The following EXD3 variants were observed in gnomAD, a reference collection of about 807,000 sequenced individuals.
EXD3 encodes exonuclease 3'-5' domain containing 3.
In EXD3, 92 loss-of-function variants were observed where a neutral mutation model predicts 98.0. The ratio of observed to expected loss-of-function variants is 0.94; its 90% CI spans 0.79 to 1.12. The LOEUF is 1.12. Among genes scored for constraint, EXD3 ranks in the 50% most tolerant of loss-of-function variants. EXD3 has a pLI of 0.00. For missense variants in EXD3, 1,222 were observed against 1,191.6 expected, an observed-to-expected ratio of 1.03 and a Z score of -0.38; for synonymous variants, 569 against 526.0, an observed-to-expected ratio of 1.08 and a Z score of -1.12.
At chr9:137,339,714 T>C (rs1236945435) in intron 17 of EXD3, among the ~76,000 whole-genome samples, 1 of 152,168 alleles carries the variant, frequency 6.6e-6, no homozygotes, top group African/African-American at 2.4e-5. Flanking sequence ...GAATTCAATG[T>C]TCATTCATAA....
At chr9:137,373,767 C>T (rs902684270) in intron 3 of EXD3, among the ~76,000 whole-genome samples, 168 bp from the exon 4 acceptor site, 3 of 152,232 alleles carry the variant, frequency 2.0e-5, no homozygotes, top group Non-Finnish European at 4.4e-5. Flanking sequence ...CGTTCTGGTC[C>T]GCTGCACCCC....
intron 19 of EXD3, among the ~76,000 whole-genome samples, chr9:137,310,707 T>G (rs9695629): frequency 0.14 from 21,740 of 152,216 alleles, 2,433 homozygotes; most frequent in African/African-American, 0.31. Context: ...AGGACTCCCC[T>G]GGCAATGCCA....
intron 5 of EXD3, among the ~76,000 whole-genome samples, chr9:137,368,599 C>T (rs1002632916): frequency 1.3e-5 from 2 of 152,214 alleles, no homozygotes; most frequent in African/African-American, 2.4e-5. Context: ...CCATAAGCCG[C>T]GCTCCCATAG....
intron 19 of EXD3, among the ~76,000 whole-genome samples, chr9:137,311,579 C>T (rs1415422983): frequency 6.6e-6 from 1 of 152,214 alleles, no homozygotes; most frequent in African/African-American, 2.4e-5. Flanking sequence ...TCACCGGGTG[C>T]CGTCAGTGAG....
At chr9:137,344,436 T>C (rs1009156400) in intron 17 of EXD3, among the ~76,000 whole-genome samples, 1 of 152,252 alleles carries the variant, frequency 6.6e-6, no homozygotes, top group African/African-American at 2.4e-5. Context: ...ACGAGACATG[T>C]CTGGGAAGAT....
intron 8 of EXD3, among the ~76,000 whole-genome samples, chr9:137,355,671 G>GGGAGGAA (rs1834710218): frequency 1.0e-4 from 2 of 19,082 alleles, no homozygotes; most frequent in Admixed American, 6.9e-4. Context: ...GAAGGAGAAA[G>GGGAGGAA]GGAGGATGGA....
chr9:137,381,415 CAAAAAAAAAA>C (rs61183889), intron 3 of EXD3, among the ~76,000 whole-genome samples: 1 of 50,848 alleles, frequency 2.0e-5, no homozygotes. Context: ...GACTCCTTCT[CAAAAAAAAAA>C]AAAAAAAAAA....
At chr9:137,416,962 CGG>C in intron 1 of EXD3, among the ~76,000 whole-genome samples, 1 of 152,338 alleles carries the variant, frequency 6.6e-6, no homozygotes, top group East Asian at 1.9e-4. Flanking sequence ...CCGACAGACG[CGG>C]CCAGAACACG....
In EXD3 at chr9:137,371,813, C is replaced by T. The variant is rs1835628049; in HGVS notation, c.462+1092G>A. Among the ~76,000 whole-genome samples, 1 of 152,040 alleles carries T rather than the reference C, an allele frequency of 6.6e-6. No homozygotes were observed. Among genetic ancestry groups the T allele is most frequent in the Non-Finnish European group, 1.5e-5 (1 of 67,982 alleles). On this transcript the variant is annotated intron_variant, in intron 5 of 21. Transcript: ENST00000340951. The surrounding 1 kb of genome is among the most constrained non-coding windows in gnomAD (Gnocchi z 8.0). ...TTCTTTGCCGCACCTCGTGCTGCAC[C>T]CTAGAATCTGCACTGGGATCTGGAA...
rs563761495 is a variant in EXD3 at position 137,346,238 on chromosome 9, C to CAAAAAAAAAAAAAAAAAAAA, written c.1998+1813_1998+1832dup. On this transcript the variant is annotated intron_variant, in intron 17 of 21. Coordinates refer to ENST00000340951, the MANE Select transcript of EXD3 (RefSeq NM_017820.5). ...TGGGAGACAGAGCAAGACTCCGTCTCAAAAAAAAAAAAAAAAAAAAAAAAA... is the reference window on the plus strand; with the variant it reads ...TGGGAGACAGAGCAAGACTCCGTCTCAAAAAAAAAAAAAAAAAAAAAAAAAAAAAAAAAAAAAAAAAAAAA... Among the ~76,000 whole-genome samples the CAAAAAAAAAAAAAAAAAAAA allele has an allele frequency of 1.0e-3, 14 of 13,616 alleles. 2 individuals are homozygous for CAAAAAAAAAAAAAAAAAAAA. The highest frequency in any genetic ancestry group is 2.6e-3 in the African/African-American group (9 of 3,510). The allele number at this position is 13,616 out of a possible 152,430, so 8.9% of individuals were successfully genotyped here. A position where few individuals can be genotyped will look rare whatever the true frequency, so the allele number is the denominator to read the frequency against.
intron 2 of EXD3, chr9:137,391,743 G>A (rs1480870616): frequency 6.6e-6 from 1 of 152,282 alleles, no homozygotes; most frequent in Non-Finnish European, 1.5e-5. Context: ...GCGCCGCCTG[G>A]AAACCCCGAA....
rs780034262 is a variant in EXD3 at position 137,351,393 on chromosome 9, G to T, written c.1309C>A (p.Pro437Thr). Reference sequence around the variant, plus strand: ...AAGGCCTGGGCTCCCTGCCCTGTTGGTGGCTGCGAGAGTGCCAGGACGTCC... The same window carrying T: ...AAGGCCTGGGCTCCCTGCCCTGTTGTTGGCTGCGAGAGTGCCAGGACGTCC... ...LLDVLALSQP[P>T]TGQGAQAFSR... Residue 437 changes from proline (P) to threonine (T), a missense_variant, in exon 13 of 22, where the codon CCA (proline) becomes ACA (threonine). Physicochemically the swap from Pro to Thr is conservative, Grantham distance 38. Coordinates refer to ENST00000340951, the MANE Select transcript of EXD3 (RefSeq NM_017820.5). The T allele has an allele frequency of 5.0e-6, 8 of 1,610,506 alleles. No individual in the cohort carries two copies. The highest frequency in any genetic ancestry group is 1.3e-5 in the African/African-American group (1 of 74,896).
At chr9:137,382,995 C>T (rs1448895202) in intron 3 of EXD3, among the ~76,000 whole-genome samples, 2 of 152,192 alleles carry the variant, frequency 1.3e-5, no homozygotes, top group Non-Finnish European at 2.9e-5. Flanking sequence ...GGTGGCAGGA[C>T]GGGGCCTCAG....
At chr9:137,398,642 G>A (rs1027638604) in intron 1 of EXD3, among the ~76,000 whole-genome samples, 4 of 141,752 alleles carry the variant, frequency 2.8e-5, no homozygotes, top group Non-Finnish European at 6.1e-5. Flanking sequence ...ACAGGCACCC[G>A]CGTCCCCAAG....
intron 5 of EXD3, among the ~76,000 whole-genome samples, 181 bp downstream of exon 5, chr9:137,372,724 C>T (rs927578346): frequency 6.6e-6 from 1 of 152,198 alleles, no homozygotes; most frequent in African/African-American, 2.4e-5. Flanking sequence ...AGCCTGAGGG[C>T]TCCTGGGACC....
chr9:137,418,931 T>C (rs1314117857), intron 1 of EXD3, among the ~76,000 whole-genome samples: 1 of 152,222 alleles, frequency 6.6e-6, no homozygotes, highest in Admixed American at 6.5e-5. Flanking sequence ...ATGGCTTATT[T>C]TACAGTGACC....
intron 5 of EXD3, among the ~76,000 whole-genome samples, chr9:137,368,839 C>T (rs1455778491): frequency 6.6e-6 from 1 of 151,596 alleles, no homozygotes; most frequent in South Asian, 2.1e-4. Context: ...GCCCATGGGG[C>T]GCAGGGCCCG....
chr9:137,355,715 G>C (rs1004363989), intron 8 of EXD3, among the ~76,000 whole-genome samples: 4 of 148,780 alleles, frequency 2.7e-5, no homozygotes, highest in Admixed American at 2.0e-4. Context: ...GAAGGAGGAA[G>C]GAGGAAGGAG....
rs1443731198 is a variant in EXD3 at position 137,355,604 on chromosome 9, AAAGGAGG to A, written c.757+657_757+663del. On this transcript the variant is annotated intron_variant, in intron 8 of 21. Coordinates refer to ENST00000340951, the MANE Select transcript of EXD3 (RefSeq NM_017820.5). ...GAGGAAGGAGAAAGGGCGGAAGGAG[AAAGGAGG>A]AAGGAGGAAGGGAGGATGGAGGAAG... Among the ~76,000 whole-genome samples the A allele has an allele frequency of 4.3e-3, 10 of 2,314 alleles. 1 individual carries two copies. The highest frequency in any genetic ancestry group is 0.025 in the Admixed American group (6 of 240). The allele number at this position is 2,314 out of a possible 152,430, so 1.5% of individuals were successfully genotyped here. A position where few individuals can be genotyped will look rare whatever the true frequency, so the allele number is the denominator to read the frequency against.
Sources: allele counts gnomAD v4.1 joint callset (sites outside exome capture counted in the v4.1 genomes callset), GRCh38; gene constraint gnomAD v4.1.1; non-coding constraint Gnocchi (gnomAD v3.1); transcripts MANE v1.5; gene names NCBI Gene and HGNC (gene_info 2026-07-23, HGNC 2026-07-21).